Variants in POLQ observed in about 807,000 individuals in gnomAD.
POLQ encodes the protein epididymis secretory sperm binding protein.
POLQ carries 233 observed loss-of-function variants against 259.2 expected under a neutral mutation model. The ratio of observed to expected loss-of-function variants is 0.90; its 90% CI spans 0.81 to 1.00. POLQ has a LOEUF of 1.00. Among genes scored for constraint, POLQ ranks in the 50% least tolerant of loss-of-function variants. The probability of loss-of-function intolerance (pLI) is 0.00; values close to 1 mark genes in which losing one functional copy is unlikely to be tolerated. For synonymous variants in POLQ, 1,025 were observed against 1,048.8 expected (o/e 0.98, Z 0.44); for missense variants, 2,871 against 3,051.6 (o/e 0.94, Z 1.39).
rs750484908 is a variant in POLQ, at chr3:121,490,217, T to C, written c.2714A>G (p.His905Arg). The change falls in exon 16 of 30, where the codon CAT becomes CGT. Residue 905 changes from histidine (H) to arginine (R), a missense_variant. Transcript: ENST00000264233. ...ATGAGTCAATGAGCATGTACTAGAA[T>C]GTAACAGGGCACATGGATTCCATTG... ...GVQWNPCALL[H>R]SSTCSLTHSE... is the part of the protein sequence containing the mutation. The C allele has an allele frequency of 3.1e-6, 5 of 1,614,062 alleles. No individual in the cohort carries two copies. The East Asian group carries it at 1.1e-4, about 36-fold the overall frequency.
rs972140628 is a variant in POLQ at position 121,490,065 on chromosome 3, C to G, written c.2866G>C (p.Val956Leu). ...DSYIKHSPNI[V>L]QDLNKSREHT... ...TCTCTACTTTTATTTAAGTCTTGCA[C>G]TATATTTGGTGAATGCTTAATATAA... Residue 956 changes from valine to leucine, a missense_variant, in exon 16 of 30, where the codon GTG (valine) becomes CTG (leucine). This residue lies in a region of POLQ where 2,080 missense variants were observed against 2,126.0 expected (regional missense o/e 0.98). Coordinates refer to ENST00000264233, the MANE Select transcript of POLQ (RefSeq NM_199420.4). 1 of 1,579,834 alleles carries G rather than the reference C, an allele frequency of 6.3e-7. No individual in the cohort carries two copies. The highest frequency in any genetic ancestry group is 2.2e-5 in the East Asian group (1 of 44,742).
In POLQ at chr3:121,501,636, T is replaced by C. The variant is rs2048169314; in HGVS notation, c.1960-2966A>G. Among the ~76,000 whole-genome samples the C allele has an allele frequency of 3.7e-5, 4 of 109,178 alleles. No individual in the cohort carries two copies. In the Admixed American group the frequency reaches 4.2e-4, roughly 12 times the overall value. 71.6% of individuals were successfully genotyped at this position (109,178 alleles called of 152,430 possible). The stretch of plus-strand genomic sequence containing the variant: ...GAGATCCCGCCACTGCACTCCAGCC[T>C]GGGCGACAGAGCGAGACTCCGTCTC... On this transcript the variant is annotated intron_variant, in intron 12 of 29. Coordinates refer to ENST00000264233, the MANE Select transcript of POLQ (RefSeq NM_199420.4).
At chr3:121,437,778 TC>T (rs2047556059) in intron 27 of POLQ, among the ~76,000 whole-genome samples, 1 of 152,086 alleles carries the variant, frequency 6.6e-6, no homozygotes, top group Non-Finnish European at 1.5e-5. Context: ...AAACCCAAGT[TC>T]TCATCAAGAG....
intron 25 of POLQ, among the ~76,000 whole-genome samples, chr3:121,459,822 G>T (rs1273818994): frequency 6.6e-6 from 1 of 152,120 alleles, no homozygotes; most frequent in African/African-American, 2.4e-5. Context: ...AATGCATATG[G>T]TTTTCCTGAC....
intron 1 of POLQ, among the ~76,000 whole-genome samples, chr3:121,545,356 A>G (rs1297492216): frequency 6.6e-6 from 1 of 152,184 alleles, no homozygotes. Context: ...CTGGACGCCG[A>G]ACAGCCTGTG....
At chr3:121,458,094 A>G (rs943450179) in intron 25 of POLQ, among the ~76,000 whole-genome samples, 22 of 152,240 alleles carry the variant, frequency 1.4e-4, no homozygotes, top group African/African-American at 5.1e-4. Flanking sequence ...AGGGACATGG[A>G]TGAAATTGGA....
At chr3:121,507,745 A>C (rs2048220642) in intron 12 of POLQ, among the ~76,000 whole-genome samples, 1 of 152,172 alleles carries the variant, frequency 6.6e-6, no homozygotes. Context: ...ATAAATAAAT[A>C]AAAATTAAAG....
rs1441910834 is a variant in POLQ, at chr3:121,533,047, G to A, written c.903C>T (p.Ser301=). 1 of 1,613,888 alleles carries A rather than the reference G, an allele frequency of 6.2e-7. No individual in the cohort carries two copies. ...CAAGTTTCATTGAAGAGTCATATATGGAATTTCCAACTTTTACTGACTCCA... is the reference window on the plus strand; with the variant it reads ...CAAGTTTCATTGAAGAGTCATATATAGAATTTCCAACTTTTACTGACTCCA... ...PLLESVKVGN[S]IYDSSMKLVR... The change falls in exon 6 of 30, where the codon TCC becomes TCT. Residue 301 remains serine, a synonymous_variant. Coordinates refer to ENST00000264233, the MANE Select transcript of POLQ (RefSeq NM_199420.4).
intron 27 of POLQ, among the ~76,000 whole-genome samples, chr3:121,437,264 A>G (rs556791081): frequency 6.9e-4 from 105 of 152,292 alleles, no homozygotes; most frequent in Middle Eastern, 3.4e-3. Context: ...TGAGTGGGAG[A>G]AAAGGCCAGA....
At chr3:121,474,792 A>G (rs1020221658) in intron 20 of POLQ, among the ~76,000 whole-genome samples, 2 of 152,250 alleles carry the variant, frequency 1.3e-5, no homozygotes, top group Non-Finnish European at 2.9e-5. Flanking sequence ...GGGTTGCCAC[A>G]TATACCAAAT....
chr3:121,498,597 G>C lies in POLQ; in HGVS notation c.2033C>G (p.Thr678Ser), dbSNP rs928277062. The C allele has an allele frequency of 1.2e-6, 2 of 1,613,902 alleles. No individual in the cohort carries two copies. The highest frequency in any genetic ancestry group is 1.7e-5 in the Admixed American group (1 of 60,008). ...RFFCLWEKLP[T>S]SMKRVAELVG... The stretch of plus-strand genomic sequence containing the variant: ...TAGCTCTGCCACCCTTTTCATTGAA[G>C]TTGGCAACTTCTCCCATAAACAGAA... Residue 678 changes from threonine (T) to serine (S), a missense_variant, in exon 13 of 30, where the codon ACT becomes AGT. Transcript: ENST00000264233.
At chr3:121,524,844 A>G (rs1310631555) in intron 7 of POLQ, among the ~76,000 whole-genome samples, 1 of 152,194 alleles carries the variant, frequency 6.6e-6, no homozygotes, top group Non-Finnish European at 1.5e-5. Context: ...ATATACATAC[A>G]AAATGGGTAC....
chr3:121,447,006 C>A (rs2047637207), intron 26 of POLQ, among the ~76,000 whole-genome samples: 1 of 151,572 alleles, frequency 6.6e-6, no homozygotes, highest in South Asian at 2.1e-4. Context: ...ACTGGTTGTT[C>A]CATGGTTTTT....
intron 7 of POLQ, among the ~76,000 whole-genome samples, chr3:121,522,980 A>G (rs945393309): frequency 6.6e-6 from 1 of 152,176 alleles, no homozygotes; most frequent in Non-Finnish European, 1.5e-5. Context: ...TAGCTAATTA[A>G]ATAGTACCCT....
rs775086410 is a variant in POLQ, at chr3:121,432,060, T to C, written c.*244A>G. 1.3e-4 allele frequency: 51 copies of C among 386,088 alleles called. No individual in the cohort carries two copies. The highest frequency in any genetic ancestry group is 2.0e-4 in the Non-Finnish European group (43 of 220,172). The allele number at this position is 386,088 out of a possible 1,614,324, so 23.9% of individuals were successfully genotyped here. A position where few individuals can be genotyped will look rare whatever the true frequency, so the allele number is the denominator to read the frequency against. On this transcript the variant is annotated 3_prime_UTR_variant, in exon 30 of 30. Coordinates refer to ENST00000264233, the MANE Select transcript of POLQ (RefSeq NM_199420.4). ...CAGTAAGTTACAAAAGGCAAATTCA[T>C]AGATGCTCTTTGAAAGTGAATGTAA...
intron 24 of POLQ, among the ~76,000 whole-genome samples, chr3:121,466,632 C>T (rs35252330): frequency 0.023 from 3,491 of 150,446 alleles, 59 homozygotes; most frequent in Non-Finnish European, 0.035. Flanking sequence ...AGAGGTTGCG[C>T]TGAGCCGAGA....
chr3:121,470,886 T>C (rs765063682), intron 22 of POLQ, among the ~76,000 whole-genome samples: 51 of 152,302 alleles, frequency 3.3e-4, no homozygotes, highest in Admixed American at 6.5e-4. Flanking sequence ...CCTCCCATCT[T>C]GGCCTCCCAA....
At chr3:121,447,442 T>C (rs2047641224) in intron 26 of POLQ, among the ~76,000 whole-genome samples, 1 of 152,142 alleles carries the variant, frequency 6.6e-6, no homozygotes, top group Admixed American at 6.5e-5. Context: ...GGATTACAGG[T>C]GTGACCCACC....
chr3:121,486,604 C>T (rs1185917582), intron 16 of POLQ, among the ~76,000 whole-genome samples: 1 of 151,982 alleles, frequency 6.6e-6, no homozygotes, highest in Non-Finnish European at 1.5e-5. Context: ...TGGCTCATGC[C>T]GGTAATCCCA....
Sources: allele counts gnomAD v4.1 joint callset (sites outside exome capture counted in the v4.1 genomes callset), GRCh38; gene constraint gnomAD v4.1.1; regional missense constraint gnomAD v4.1.1; transcripts MANE v1.5; gene names NCBI Gene and HGNC (gene_info 2026-07-23, HGNC 2026-07-21).